DPP10: variants seen among roughly 807,000 people sequenced by gnomAD.
DPP10 encodes the protein dipeptidyl peptidase like 10.
Under a neutral mutation model 120.9 loss-of-function variants are expected in DPP10, and 33 were observed. The observed-to-expected ratio is 0.27, with a 90% CI of 0.21 to 0.37. The LOEUF is 0.37. DPP10 is among the 10% of genes least tolerant of loss of function. The pLI, the probability that DPP10 is intolerant of heterozygous loss-of-function variation, is 1.00. For synonymous variants in DPP10, 337 were observed against 326.1 expected, an observed-to-expected ratio of 1.03 and a Z score of -0.36; for missense variants, 816 against 942.8, an observed-to-expected ratio of 0.87 and a Z score of 1.76.
intron 3 of DPP10, among the ~76,000 whole-genome samples, chr2:115,392,866 T>C (rs891300107): frequency 6.6e-6 from 1 of 152,190 alleles, no homozygotes; most frequent in African/African-American, 2.4e-5. Flanking sequence ...GTGTAAAGAT[T>C]TCCTTCAGTT....
intron 5 of DPP10, among the ~76,000 whole-genome samples, chr2:115,528,036 ATG>A (rs2078237418): frequency 6.6e-6 from 1 of 152,150 alleles, no homozygotes; most frequent in African/African-American, 2.4e-5. Flanking sequence ...ATATGTGTGC[ATG>A]TGTCTTTATA....
chr2:114,965,521 AG>A (rs1698946766), intron 1 of DPP10, among the ~76,000 whole-genome samples: 1 of 152,178 alleles, frequency 6.6e-6, no homozygotes, highest in South Asian at 2.1e-4. Context: ...TCTGAAGATT[AG>A]GAGAGTAGAT....
intron 1 of DPP10, among the ~76,000 whole-genome samples, chr2:114,715,930 A>G (rs992999862): frequency 5.9e-5 from 9 of 152,102 alleles, no homozygotes; most frequent in African/African-American, 2.2e-4. Context: ...TTAAAAAACA[A>G]CTCAAGATGC....
chr2:114,817,670 C>T (rs895504218), intron 1 of DPP10, among the ~76,000 whole-genome samples: 3 of 152,082 alleles, frequency 2.0e-5, no homozygotes, highest in African/African-American at 4.8e-5. Flanking sequence ...TCATGGGAGT[C>T]GGGCTTTCAG....
intron 1 of DPP10, among the ~76,000 whole-genome samples, chr2:114,612,267 A>G (rs1473082046): frequency 1.3e-5 from 2 of 152,076 alleles, no homozygotes; most frequent in African/African-American, 2.4e-5. Flanking sequence ...TTTTCTCCTG[A>G]CATTCCTGCA....
At position 115,018,713 on chromosome 2, in the gene DPP10, G is replaced by A. The variant is rs566882936; in HGVS notation, c.61-290526G>A. Reference sequence around the variant, plus strand: ...ACATCACACACTAGAGCCTGTTGGGGGTGTAAGGGGCTAGGGGAGGGATAG... The same window carrying A: ...ACATCACACACTAGAGCCTGTTGGGAGTGTAAGGGGCTAGGGGAGGGATAG... On this transcript the variant is annotated intron_variant, in intron 1 of 25. Transcript: ENST00000410059. Among the ~76,000 whole-genome samples, 15 of 152,124 alleles carry A rather than the reference G, an allele frequency of 9.9e-5. No homozygotes were observed. In the East Asian group the frequency reaches 2.7e-3, roughly 28 times the overall value.
chr2:114,559,160 C>T (rs1688555109), intron 1 of DPP10, among the ~76,000 whole-genome samples: 1 of 152,276 alleles, frequency 6.6e-6, no homozygotes, highest in South Asian at 2.1e-4. Context: ...GGGACCTGTG[C>T]ACATTGCCTT....
intron 1 of DPP10, among the ~76,000 whole-genome samples, chr2:115,017,013 C>T (rs1028192731): frequency 2.2e-5 from 3 of 139,394 alleles, no homozygotes; most frequent in African/African-American, 5.5e-5. Flanking sequence ...ACAATGAGAA[C>T]ACATGAACAC....
Position 115,381,189 on chromosome 2 carries a change from C to G in DPP10, c.271+37277C>G, listed in dbSNP as rs969607080. Among the ~76,000 whole-genome samples, 46 of 152,222 alleles carry G rather than the reference C, an allele frequency of 3.0e-4. 1 individual carries two copies. Among genetic ancestry groups the G allele is most frequent in the Non-Finnish European group, 6.6e-4 (45 of 68,032 alleles). ...ATTCTCCCCGTCACTTTCACGTACACCAATCAGTCGTAGATTTGGTCTTTT... is the reference window on the plus strand; with the variant it reads ...ATTCTCCCCGTCACTTTCACGTACAGCAATCAGTCGTAGATTTGGTCTTTT... On this transcript the variant is annotated intron_variant, in intron 3 of 25. Coordinates refer to ENST00000410059, the MANE Select transcript of DPP10 (RefSeq NM_020868.6).
intron 11 of DPP10, among the ~76,000 whole-genome samples, chr2:115,756,329 T>G (rs1460994926): frequency 6.6e-6 from 1 of 152,134 alleles, no homozygotes; most frequent in African/African-American, 2.4e-5. Context: ...GAAAAGAGAA[T>G]GTTGAATGTT....
intron 1 of DPP10, among the ~76,000 whole-genome samples, chr2:114,709,129 C>T (rs950394970): frequency 6.6e-6 from 1 of 152,150 alleles, no homozygotes; most frequent in East Asian, 1.9e-4. Flanking sequence ...AATTCCCAGG[C>T]TCCTATGTCA....
At chr2:114,676,811 C>T (rs2105677622) in intron 1 of DPP10, among the ~76,000 whole-genome samples, 1 of 152,146 alleles carries the variant, frequency 6.6e-6, no homozygotes, top group South Asian at 2.1e-4. Context: ...AAGACTAGAT[C>T]GTGTAGGATA....
intron 1 of DPP10, among the ~76,000 whole-genome samples, chr2:115,003,451 C>T (rs976206430): frequency 1.3e-5 from 2 of 151,808 alleles, no homozygotes; most frequent in African/African-American, 2.4e-5. Context: ...AATATATACA[C>T]GAAACCCCCA....
chr2:115,010,808 C>T (rs1389928615), intron 1 of DPP10, among the ~76,000 whole-genome samples: 1 of 152,194 alleles, frequency 6.6e-6, no homozygotes, highest in Non-Finnish European at 1.5e-5. Flanking sequence ...TCCCTCAGTA[C>T]TCCACAAACC....
intron 5 of DPP10, among the ~76,000 whole-genome samples, chr2:115,617,066 ATTAT>A (rs2084560353): frequency 6.8e-6 from 1 of 146,714 alleles, no homozygotes; most frequent in Admixed American, 6.8e-5. Flanking sequence ...TCATTGATTA[ATTAT>A]TTATAATTTA....
At chr2:114,918,184 C>A (rs899837909) in intron 1 of DPP10, among the ~76,000 whole-genome samples, 5 of 152,102 alleles carry the variant, frequency 3.3e-5, no homozygotes, top group African/African-American at 1.2e-4. Flanking sequence ...ATGTGGCCAA[C>A]AAGCATAGGA....
At chr2:114,991,173 G>C (rs1371784412) in intron 1 of DPP10, among the ~76,000 whole-genome samples, 1 of 152,052 alleles carries the variant, frequency 6.6e-6, no homozygotes, top group African/African-American at 2.4e-5. Flanking sequence ...TTATGCTGGA[G>C]TAAAATATCA....
At chr2:114,905,760 C>T (rs1260635482) in intron 1 of DPP10, among the ~76,000 whole-genome samples, 1 of 152,146 alleles carries the variant, frequency 6.6e-6, no homozygotes, top group Non-Finnish European at 1.5e-5. Flanking sequence ...ATTGCCCAGA[C>T]TGGTCTTGAA....
At chr2:115,625,705 C>G (rs978369657) in intron 5 of DPP10, among the ~76,000 whole-genome samples, 5 of 152,042 alleles carry the variant, frequency 3.3e-5, no homozygotes, top group Non-Finnish European at 5.9e-5. Flanking sequence ...AATCTCTCCT[C>G]ACGTAAAAGA....
Sources: allele counts gnomAD v4.1 joint callset (sites outside exome capture counted in the v4.1 genomes callset), GRCh38; gene constraint gnomAD v4.1.1; transcripts MANE v1.5; gene names NCBI Gene and HGNC (gene_info 2026-07-23, HGNC 2026-07-21).